ADAMTSL3: variants seen among roughly 807,000 people sequenced by gnomAD.
ADAMTSL3 encodes the protein ADAMTS-like protein 3.
A neutral mutation model predicts 201.7 loss-of-function variants in ADAMTSL3; 128 were observed. The ratio of observed to expected loss-of-function variants is 0.63; its 90% CI spans 0.55 to 0.73. The LOEUF (loss-of-function observed/expected upper bound fraction) is 0.73. Ranked by LOEUF, ADAMTSL3 falls within the 30% of genes least tolerant of loss-of-function variation. The pLI is 0.00. For missense variants in ADAMTSL3, 1,990 were observed against 2,119.6 expected (o/e 0.94, Z 1.20); for synonymous variants, 738 against 748.4 (o/e 0.99, Z 0.23).
At chr15:83,826,375 G>T (rs1345571617) in intron 6 of ADAMTSL3, among the ~76,000 whole-genome samples, 1 of 151,390 alleles carries the variant, frequency 6.6e-6, no homozygotes, top group African/African-American at 2.4e-5. Context: ...TTCCTACCTT[G>T]GCCCCTCACA....
chr15:83,957,277 A>G (rs889016936), intron 19 of ADAMTSL3, among the ~76,000 whole-genome samples: 1 of 152,158 alleles, frequency 6.6e-6, no homozygotes, highest in Non-Finnish European at 1.5e-5. Flanking sequence ...CTGGTAGGTG[A>G]GATGGAAAGG....
intron 3 of ADAMTSL3, among the ~76,000 whole-genome samples, chr15:83,705,896 A>G (rs1027359741): frequency 1.3e-5 from 2 of 152,032 alleles, no homozygotes; most frequent in Non-Finnish European, 2.9e-5. Flanking sequence ...ACATTCAATC[A>G]TATTTTCAAG....
chr15:83,750,414 G>A (rs2062620787), intron 3 of ADAMTSL3, among the ~76,000 whole-genome samples: 1 of 152,124 alleles, frequency 6.6e-6, no homozygotes, highest in Admixed American at 6.6e-5. Context: ...TGTAAGTTTT[G>A]CATCATAGCT....
intron 4 of ADAMTSL3, among the ~76,000 whole-genome samples, chr15:83,801,644 AAATATAAAT>A (rs2063517157): frequency 5.2e-5 from 1 of 19,106 alleles, no homozygotes; most frequent in Admixed American, 1.1e-3. Flanking sequence ...ATAAATATAT[AAATATAAAT>A]ATATATATAT....
At chr15:83,927,685 T>C (rs1297013225) in intron 17 of ADAMTSL3, among the ~76,000 whole-genome samples, 1 of 152,222 alleles carries the variant, frequency 6.6e-6, no homozygotes, top group Non-Finnish European at 1.5e-5. Flanking sequence ...GACTTCTCCA[T>C]GAGCATACAC....
chr15:83,724,659 A>G (rs2062147229), intron 3 of ADAMTSL3, among the ~76,000 whole-genome samples: 1 of 151,728 alleles, frequency 6.6e-6, no homozygotes, highest in African/African-American at 2.4e-5. Flanking sequence ...ATCTAACTAT[A>G]TTTTTGTACC....
intron 27 of ADAMTSL3, among the ~76,000 whole-genome samples, chr15:84,027,585 C>T (rs915677229): frequency 1.3e-5 from 2 of 152,130 alleles, no homozygotes; most frequent in African/African-American, 2.4e-5. Context: ...TGGCGGGTGC[C>T]TGTAGTCCCG....
rs574050616 is a variant in ADAMTSL3, at chr15:84,035,641, T to C, written c.4755-1132T>C. ...CTACGTGCAATACTCTCAGAGTTCTTGGATATCACAAATTTCTCCATTTTA... is the reference window on the plus strand; with the variant it reads ...CTACGTGCAATACTCTCAGAGTTCTCGGATATCACAAATTTCTCCATTTTA... On this transcript the variant is annotated intron_variant, in intron 28 of 29. Coordinates refer to ENST00000286744, the MANE Select transcript of ADAMTSL3 (RefSeq NM_207517.3). Among the ~76,000 whole-genome samples the C allele has an allele frequency of 7.9e-5, 12 of 152,326 alleles. No individual in the cohort carries two copies. In the East Asian group the frequency reaches 2.3e-3, roughly 29 times the overall value.
At chr15:84,020,260 TGGGATCCA>T (rs11277716) in intron 25 of ADAMTSL3, among the ~76,000 whole-genome samples, 64,898 of 151,534 alleles carry the variant, frequency 0.43, 13,937 homozygotes, top group East Asian at 0.57. Flanking sequence ...CAGACACACT[TGGGATCCA>T]GTCCGGCTAA....
intron 4 of ADAMTSL3, among the ~76,000 whole-genome samples, chr15:83,779,663 A>G (rs2141778595): frequency 7.1e-6 from 1 of 141,224 alleles, no homozygotes; most frequent in African/African-American, 2.7e-5. Context: ...GCAACACTGC[A>G]CTCCAGCCTG....
chr15:83,730,682 C>T (rs2062251703), intron 3 of ADAMTSL3, among the ~76,000 whole-genome samples: 1 of 151,490 alleles, frequency 6.6e-6, no homozygotes, highest in Non-Finnish European at 1.5e-5. Context: ...TTAATCCTTT[C>T]TCAGATATAT....
chr15:83,973,808 G>A (rs2067236507), intron 20 of ADAMTSL3, among the ~76,000 whole-genome samples: 1 of 152,146 alleles, frequency 6.6e-6, no homozygotes, highest in Non-Finnish European at 1.5e-5. Flanking sequence ...ATTATGGAAG[G>A]GGGTCCGTAG....
chr15:83,696,063 G>A (rs1257785987), intron 2 of ADAMTSL3, among the ~76,000 whole-genome samples: 1 of 152,196 alleles, frequency 6.6e-6, no homozygotes, highest in African/African-American at 2.4e-5. Flanking sequence ...GGCCCCAGAG[G>A]AATACAGAGA....
At chr15:83,997,771 T>C (rs1236550111) in intron 23 of ADAMTSL3, among the ~76,000 whole-genome samples, 2 of 152,214 alleles carry the variant, frequency 1.3e-5, no homozygotes, top group Non-Finnish European at 2.9e-5. Flanking sequence ...TAGCCCTGTT[T>C]CCTGTAAGAC....
At chr15:83,922,163 T>A (rs2066159051) in intron 16 of ADAMTSL3, among the ~76,000 whole-genome samples, 1 of 152,210 alleles carries the variant, frequency 6.6e-6, no homozygotes, top group South Asian at 2.1e-4. Flanking sequence ...AATCAGATCT[T>A]TTAAGGTGAG....
In ADAMTSL3 at chr15:83,715,782, C is replaced by T. The variant is rs117267536; in HGVS notation, c.189+11274C>T. Among the ~76,000 whole-genome samples the T allele has an allele frequency of 2.6e-5, 4 of 152,304 alleles. No homozygotes were observed. In the East Asian group the frequency reaches 7.7e-4, roughly 29 times the overall value. On this transcript the variant is annotated intron_variant, in intron 3 of 29. Coordinates refer to ENST00000286744, the MANE Select transcript of ADAMTSL3 (RefSeq NM_207517.3). ...CTTGGCCCCAGGTTACCTGTCTTCC[C>T]TTATCCCCCATTTCTCTCTGTGTGC...
rs750911249 is a variant in ADAMTSL3, at chr15:83,898,017, G to A, written c.1615+12G>A. 62 of 1,604,246 alleles carry A rather than the reference G, an allele frequency of 3.9e-5. No homozygotes were observed. The South Asian group carries it at 6.8e-4, about 18-fold the overall frequency. On this transcript the variant is annotated intron_variant, in intron 14 of 29. Transcript: ENST00000286744. ...TTATAAACCAAAAGGTAAGTCTGTG[G>A]TGCACTGTAAATTCAAATCAAATGG...
rs1273096094 is a variant in ADAMTSL3 at position 83,785,505 on chromosome 15, AT to A, written c.317+11861del. ...CAGCTGGTTTTTTTGTAGATAACCTATTTTTTAGATAACCTGTCTGCCCATA... is the reference window on the plus strand; with the variant it reads ...CAGCTGGTTTTTTTGTAGATAACCTATTTTTAGATAACCTGTCTGCCCATA... On this transcript the variant is annotated intron_variant, in intron 4 of 29. Transcript: ENST00000286744. Among the ~76,000 whole-genome samples, 3 of 151,970 alleles carry A rather than the reference AT, an allele frequency of 2.0e-5. No individual in the cohort carries two copies. In the East Asian group the frequency reaches 5.8e-4, roughly 29 times the overall value.
chr15:83,791,445 A>G (rs1165695022), intron 4 of ADAMTSL3, among the ~76,000 whole-genome samples: 2 of 152,216 alleles, frequency 1.3e-5, no homozygotes, highest in Non-Finnish European at 2.9e-5. Context: ...TTTACAGCCA[A>G]CTGATTTTTT....
Sources: gnomAD v4.1 joint callset for allele counts (sites outside exome capture counted in the v4.1 genomes callset) on GRCh38, gnomAD v4.1.1 for gene constraint, MANE v1.5 for transcripts, NCBI Gene and HGNC (gene_info 2026-07-23, HGNC 2026-07-21) for gene names.